NT5C1A: variants seen among roughly 807,000 people sequenced by gnomAD.
NT5C1A encodes cytosolic 5'-nucleotidase 1A.
A neutral mutation model predicts 31.0 loss-of-function variants in NT5C1A; 18 were observed. The observed-to-expected ratio is 0.58, with a 90% CI of 0.40 to 0.86. The LOEUF is 0.86. NT5C1A is among the 40% of genes least tolerant of loss of function. NT5C1A has a pLI of 0.00. For synonymous variants in NT5C1A, 185 were observed against 203.6 expected, an observed-to-expected ratio of 0.91 and a Z score of 0.78; for missense variants, 470 against 505.4, an observed-to-expected ratio of 0.93 and a Z score of 0.67.
chr1:39,668,029 G>A (rs563913416), intron 1 of NT5C1A, among the ~76,000 whole-genome samples: 3 of 152,356 alleles, frequency 2.0e-5, no homozygotes, highest in African/African-American at 4.8e-5. Flanking sequence ...CCAAGATGGT[G>A]TATGTGGCCA....
At chr1:39,665,104 G>A (rs1266864135) in intron 3 of NT5C1A, among the ~76,000 whole-genome samples, 1 of 152,214 alleles carries the variant, frequency 6.6e-6, no homozygotes, top group African/African-American at 2.4e-5. Flanking sequence ...TCTGACAGCT[G>A]CACCTGATTC....
At chr1:39,667,196 C>CTTTTTTT (rs5773668) in intron 1 of NT5C1A, among the ~76,000 whole-genome samples, 1 of 105,138 alleles carries the variant, frequency 9.5e-6, no homozygotes. Flanking sequence ...CTTTCCCCCT[C>CTTTTTTT]TTTTTTTTTT....
chr1:39,664,203 G>A (rs1646506054), intron 3 of NT5C1A, among the ~76,000 whole-genome samples: 1 of 151,344 alleles, frequency 6.6e-6, no homozygotes, highest in Non-Finnish European at 1.5e-5. Context: ...GCCCAGGCTG[G>A]AGTGCAGTGG....
intron 3 of NT5C1A, 120 bp downstream of exon 3, chr1:39,665,401 A>G: frequency 1.1e-6 from 1 of 920,104 alleles, no homozygotes; most frequent in East Asian, 3.1e-5. Flanking sequence ...ATTTACCAGC[A>G]CACACTGGAC....
intron 1 of NT5C1A, among the ~76,000 whole-genome samples, chr1:39,670,547 A>G (rs140801321): frequency 2.6e-5 from 4 of 152,348 alleles, no homozygotes; most frequent in African/African-American, 9.6e-5. Context: ...TTGGATTCAC[A>G]TGTGTGCAGA....
intron 1 of NT5C1A, 147 bp from the exon 2 acceptor site, chr1:39,666,383 A>C (rs988811220): frequency 1.9e-5 from 14 of 746,662 alleles, no homozygotes; most frequent in Admixed American, 8.3e-5. Flanking sequence ...GCAGATGTGG[A>C]CTTAGGTCAG....
intron 5 of NT5C1A, 129 bp downstream of exon 5, chr1:39,660,950 T>G: frequency 1.7e-6 from 1 of 602,008 alleles, no homozygotes; most frequent in Non-Finnish European, 3.1e-6. Context: ...AGTGAGAGGG[T>G]CGAGGGGACC....
chr1:39,653,704 G>A lies in NT5C1A; in HGVS notation c.*5417C>T, dbSNP rs1211732550. Among the ~76,000 whole-genome samples the A allele has an allele frequency of 2.6e-5, 4 of 152,218 alleles. No homozygotes were observed. The South Asian group carries it at 8.3e-4, about 32-fold the overall frequency. ...GCCAGCAGCTGCGTGCCGGCCTGCA[G>A]TGCCACCTACTGGCAGAAAGGAGGT... On this transcript the variant is annotated 3_prime_UTR_variant, in exon 6 of 6. Coordinates refer to ENST00000235628, the MANE Select transcript of NT5C1A (RefSeq NM_032526.3).
At chr1:39,669,289 A>G (rs942638360) in intron 1 of NT5C1A, among the ~76,000 whole-genome samples, 6 of 152,174 alleles carry the variant, frequency 3.9e-5, no homozygotes, top group African/African-American at 1.4e-4. Context: ...ATTTAGGCTA[A>G]CGTAATTCTG....
rs549658920 is a variant in NT5C1A, at chr1:39,654,747, C to T, written c.*4374G>A. On this transcript the variant is annotated 3_prime_UTR_variant, in exon 6 of 6. Coordinates refer to ENST00000235628, the MANE Select transcript of NT5C1A (RefSeq NM_032526.3). ...ATGCATAGGTGGATGTGACCTGGCT[C>T]ATCCCACTGAGGCATCAGCCAGGCT... 1.3e-5 allele frequency among the ~76,000 whole-genome samples: 2 copies of T among 152,264 alleles called. No individual in the cohort carries two copies. The highest frequency in any genetic ancestry group is 2.9e-5 in the Non-Finnish European group (2 of 68,046).
chr1:39,656,063 T>A lies in NT5C1A; in HGVS notation c.*3058A>T, dbSNP rs1185810679. On this transcript the variant is annotated 3_prime_UTR_variant, in exon 6 of 6. Coordinates refer to ENST00000235628, the MANE Select transcript of NT5C1A (RefSeq NM_032526.3). Reference sequence around the variant, plus strand: ...TTTGCAACTGGCTGAGCAGTCTCAGTGCTTAGTAACAGGGCTTCCATTTTT... The same window carrying A: ...TTTGCAACTGGCTGAGCAGTCTCAGAGCTTAGTAACAGGGCTTCCATTTTT... Among the ~76,000 whole-genome samples, 4 of 143,378 alleles carry A rather than the reference T, an allele frequency of 2.8e-5. No individual in the cohort carries two copies. Among genetic ancestry groups the A allele is most frequent in the Non-Finnish European group, 4.7e-5 (3 of 63,204 alleles). 94.1% of individuals were successfully genotyped at this position (143,378 alleles called of 152,430 possible).
chr1:39,659,540 C>A, intron 5 of NT5C1A, 54 bp from the exon 6 acceptor site: 2 of 1,512,738 alleles, frequency 1.3e-6, no homozygotes, highest in South Asian at 1.3e-5. Context: ...AAATATTTGC[C>A]CCCTGCTCTC....
chr1:39,654,492 C>A lies in NT5C1A; in HGVS notation c.*4629G>T, dbSNP rs1464901173. On this transcript the variant is annotated 3_prime_UTR_variant, in exon 6 of 6. Transcript: ENST00000235628. ...CCCATGAGGAAATGAGTCGGGAATA[C>A]AAAGCCATGCTGGACAGCCAGCTGG... 6.6e-6 allele frequency among the ~76,000 whole-genome samples: 1 copy of A among 152,230 alleles called. No individual in the cohort carries two copies. Among genetic ancestry groups the A allele is most frequent in the African/African-American group, 2.4e-5 (1 of 41,458 alleles).
Position 39,658,378 on chromosome 1 carries a change from C to A in NT5C1A, c.*743G>T, listed in dbSNP as rs1368826742. Among the ~76,000 whole-genome samples the A allele has an allele frequency of 2.0e-5, 3 of 152,066 alleles. No homozygotes were observed. The highest frequency in any genetic ancestry group is 2.9e-5 in the Non-Finnish European group (2 of 68,008). ...AAATTATAGATAGAGTTGCTGGGGG[C>A]GATTTTGCATTTTGTCCATTTGAGA... On this transcript the variant is annotated 3_prime_UTR_variant, in exon 6 of 6. Coordinates refer to ENST00000235628, the MANE Select transcript of NT5C1A (RefSeq NM_032526.3).
At position 39,670,928 on chromosome 1, in the gene NT5C1A, C is replaced by G. The variant is rs1311756905; in HGVS notation, c.135+976G>C. 2.0e-5 allele frequency among the ~76,000 whole-genome samples: 3 copies of G among 152,242 alleles called. No individual in the cohort carries two copies. The South Asian group carries it at 6.2e-4, about 32-fold the overall frequency. ...AGCCTCCATCATTGTGCAGTGAGCT[C>G]CTGAGGCAGGGACTCAGGTTATTTA... On this transcript the variant is annotated intron_variant, in intron 1 of 5. Coordinates refer to ENST00000235628, the MANE Select transcript of NT5C1A (RefSeq NM_032526.3).
intron 2 of NT5C1A, 34 bp from the exon 3 acceptor site, chr1:39,665,684 C>G (rs1646517908): frequency 6.2e-7 from 1 of 1,602,914 alleles, no homozygotes; most frequent in Admixed American, 1.7e-5. Flanking sequence ...AGCTTAGACC[C>G]CCAAGGATTG....
Position 39,659,136 on chromosome 1 carries a change from G to T in NT5C1A, c.1092C>A (p.Ala364=). ...GGTGGTTCAGCTACTGTGCAGATGG[G>T]GCCTGCTTTGCAGGTGCAGTCCGCC... is the stretch of plus-strand genomic sequence containing the variant. ...TPRRTAPAKQ[A]PSAQ Residue 364 remains alanine (A), a synonymous_variant, in exon 6 of 6, where the codon GCC becomes GCA. Transcript: ENST00000235628. 6.2e-7 allele frequency: 1 copy of T among 1,604,670 alleles called. No homozygotes were observed. Among genetic ancestry groups the T allele is most frequent in the Non-Finnish European group, 8.5e-7 (1 of 1,174,152 alleles).
In NT5C1A at chr1:39,672,031, G is replaced by A; in HGVS notation, c.8C>T (p.Pro3Leu). 6.3e-7 allele frequency: 1 copy of A among 1,599,868 alleles called. No homozygotes were observed. The highest frequency in any genetic ancestry group is 8.5e-7 in the Non-Finnish European group (1 of 1,178,132). ME[P>L]GQPREPQEPR... is the part of the protein sequence containing the mutation. ...CTCCTGGGGCTCCCGGGGCTGCCCA[G>A]GTTCCATGCTCCGGCTCTGACCCGG... The change falls in exon 1 of 6, where the codon CCT becomes CTT. Residue 3 changes from proline to leucine, a missense_variant. Coordinates refer to ENST00000235628, the MANE Select transcript of NT5C1A (RefSeq NM_032526.3).
rs1646434819 is a variant in NT5C1A at position 39,652,011 on chromosome 1, A to T, written c.*7110T>A. 8.0e-6 allele frequency among the ~76,000 whole-genome samples: 1 copy of T among 124,902 alleles called. No homozygotes were observed. Among genetic ancestry groups the T allele is most frequent in the African/African-American group, 3.1e-5 (1 of 32,750 alleles). The allele number at this position is 124,902 out of a possible 152,430, so 81.9% of individuals were successfully genotyped here. A position where few individuals can be genotyped will look rare whatever the true frequency, so the allele number is the denominator to read the frequency against. ...GTGCCACTGCACTCCAGCCTGAGTG[A>T]CAGAGCAAGACTCCGTCTCAAAAAA... On this transcript the variant is annotated 3_prime_UTR_variant, in exon 6 of 6. Coordinates refer to ENST00000235628, the MANE Select transcript of NT5C1A (RefSeq NM_032526.3).
Sources: gnomAD v4.1 joint callset for allele counts (sites outside exome capture counted in the v4.1 genomes callset) on GRCh38, gnomAD v4.1.1 for gene constraint, MANE v1.5 for transcripts, NCBI Gene and HGNC (gene_info 2026-07-23, HGNC 2026-07-21) for gene names.